RET: variants seen among roughly 807,000 people sequenced by gnomAD.
RET encodes the protein ret proto-oncogene, also known as proto-oncogene tyrosine-protein kinase receptor Ret.
RET carries 19 observed loss-of-function variants against 118.3 expected under a neutral mutation model. The ratio of observed to expected loss-of-function variants is 0.16; its 90% CI spans 0.11 to 0.24. The LOEUF (loss-of-function observed/expected upper bound fraction) is 0.24, where lower values mean the gene tolerates loss of function less well. Among genes scored for constraint, RET ranks in the 10% least tolerant of loss-of-function variants. The probability of loss-of-function intolerance (pLI) is 1.00; values close to 1 mark genes in which losing one functional copy is unlikely to be tolerated. For missense variants in RET, 1,219 were observed against 1,502.1 expected (o/e 0.81, Z 3.12); for synonymous variants, 597 against 644.1 (o/e 0.93, Z 1.11).
chr10:43,113,632 C>T lies in RET; in HGVS notation c.1836C>T (p.Phe612=). 1.2e-6 allele frequency: 2 copies of T among 1,613,406 alleles called. No homozygotes were observed. Among genetic ancestry groups the T allele is most frequent in the Non-Finnish European group, 8.5e-7 (1 of 1,179,858 alleles). ...IKAGYGTCNC[F]PEEEKCFCEP... is the part of the protein sequence containing the mutation. ...CTGGCTATGGCACCTGCAACTGCTT[C>T]CCTGAGGAGGAGAAGTGCTTCTGCG... is the stretch of plus-strand genomic sequence containing the variant. Residue 612 remains phenylalanine, a synonymous_variant, in exon 10 of 20, where the codon TTC becomes TTT. Coordinates refer to ENST00000355710, the MANE Select transcript of RET (RefSeq NM_020975.6).
At chr10:43,120,292 ACCGAAGATT>A in intron 15 of RET, 89 bp downstream of exon 15, 22 of 1,553,526 alleles carry the variant, frequency 1.4e-5, no homozygotes, top group Non-Finnish European at 1.9e-5. Flanking sequence ...TAGGAAAGAT[ACCGAAGATT>A]AGTGGAGCTC....
intron 16 of RET, among the ~76,000 whole-genome samples, chr10:43,123,397 T>C (rs1838260357): frequency 6.6e-6 from 1 of 152,234 alleles, no homozygotes; most frequent in Admixed American, 6.5e-5. Context: ...ATCTTAAGCC[T>C]CATGTGTCCC....
At chr10:43,077,512 CG>C (rs1837074428) in intron 1 of RET, among the ~76,000 whole-genome samples, 181 bp downstream of exon 1, 1 of 113,960 alleles carries the variant, frequency 8.8e-6, no homozygotes, top group Admixed American at 8.8e-5. Flanking sequence ...AAGGGCAGGA[CG>C]CCTCGGGCCG....
chr10:43,123,406 C>T (rs1344079380), intron 16 of RET, among the ~76,000 whole-genome samples: 1 of 152,018 alleles, frequency 6.6e-6, no homozygotes, highest in Non-Finnish European at 1.5e-5. Flanking sequence ...CTCATGTGTC[C>T]CTTGTGCGTG....
At chr10:43,081,925 G>A (rs1210840547) in intron 1 of RET, among the ~76,000 whole-genome samples, 2 of 152,308 alleles carry the variant, frequency 1.3e-5, no homozygotes, top group Non-Finnish European at 1.5e-5. Flanking sequence ...GGGACACTTG[G>A]CAGCCCCTGA....
At chr10:43,078,054 C>T (rs1387250397) in intron 1 of RET, among the ~76,000 whole-genome samples, 3 of 152,182 alleles carry the variant, frequency 2.0e-5, no homozygotes, top group Non-Finnish European at 4.4e-5. Flanking sequence ...CAGGGGTTTG[C>T]GCCGCCAGCC....
At chr10:43,116,036 T>A (rs1255795836) in intron 11 of RET, among the ~76,000 whole-genome samples, 1 of 151,670 alleles carries the variant, frequency 6.6e-6, no homozygotes, top group Non-Finnish European at 1.5e-5. Context: ...AGGGTGGGGG[T>A]CTGGGAAGGC....
At position 43,128,487 on chromosome 10, in the gene RET, G is replaced by A; in HGVS notation, c.*218G>A. 1 of 621,598 alleles carries A rather than the reference G, an allele frequency of 1.6e-6. No individual in the cohort carries two copies. Among genetic ancestry groups the A allele is most frequent in the South Asian group, 1.8e-5 (1 of 54,374 alleles). 38.5% of individuals were successfully genotyped at this position (621,598 alleles called of 1,614,324 possible). On this transcript the variant is annotated 3_prime_UTR_variant, in exon 20 of 20. Transcript: ENST00000355710. ...AGCAGACATGCCACACCGGGTAAGAGCTCTGAGTCTTAGTGGTTAAGCATT... is the reference window on the plus strand; with the variant it reads ...AGCAGACATGCCACACCGGGTAAGAACTCTGAGTCTTAGTGGTTAAGCATT...
intron 4 of RET, among the ~76,000 whole-genome samples, chr10:43,105,402 C>G (rs1349412767): frequency 1.3e-5 from 2 of 152,046 alleles, no homozygotes; most frequent in African/African-American, 4.8e-5. Context: ...CCTCGGGAGG[C>G]AAGGACCAGG....
rs1426465287 is a variant in RET at position 43,106,805 on chromosome 10, C to A, written c.1063+234C>A. Among the ~76,000 whole-genome samples, 2 of 152,170 alleles carry A rather than the reference C, an allele frequency of 1.3e-5. No homozygotes were observed. The highest frequency in any genetic ancestry group is 4.8e-5 in the African/African-American group (2 of 41,434). Reference sequence around the variant, plus strand: ...CTCCCTGAGCTGATCCATGGCCGACCCTGGCAGGGCCCCACCACACCCCCC... The same window carrying A: ...CTCCCTGAGCTGATCCATGGCCGACACTGGCAGGGCCCCACCACACCCCCC... On this transcript the variant is annotated intron_variant, in intron 5 of 19. Coordinates refer to ENST00000355710, the MANE Select transcript of RET (RefSeq NM_020975.6). This position sits in a 1 kb window ranked among gnomAD's most constrained non-coding sequence, Gnocchi z 5.1.
intron 9 of RET, 100 bp downstream of exon 9, chr10:43,113,063 C>T (rs2132819655): frequency 1.1e-6 from 1 of 941,448 alleles, no homozygotes; most frequent in Admixed American, 1.9e-5. Flanking sequence ...GCTGTCAGTT[C>T]TATGCATCAA....
chr10:43,083,277 A>C (rs1837223235), intron 1 of RET, among the ~76,000 whole-genome samples: 1 of 152,070 alleles, frequency 6.6e-6, no homozygotes, highest in Non-Finnish European at 1.5e-5. Flanking sequence ...AAAACTCGTG[A>C]CCCGGGAAAG....
intron 11 of RET, among the ~76,000 whole-genome samples, chr10:43,115,727 G>T (rs1024987042): frequency 4.3e-4 from 66 of 152,272 alleles, no homozygotes; most frequent in Non-Finnish European, 6.6e-4. Context: ...TTGGACCCAT[G>T]ACTCAACCTC....
Position 43,106,651 on chromosome 10 carries a change from C to A in RET, c.1063+80C>A. The A allele has an allele frequency of 7.2e-7, 1 of 1,394,118 alleles. No homozygotes were observed. The highest frequency in any genetic ancestry group is 1.0e-6 in the Non-Finnish European group (1 of 1,004,398). The allele number at this position is 1,394,118 out of a possible 1,614,324, so 86.4% of individuals were successfully genotyped here. ...CTCTTCATGGGCAAGCAGCACCCTA[C>A]ACACATGCACACCTGGCATGGCCCT... On this transcript the variant is annotated intron_variant, in intron 5 of 19. Transcript: ENST00000355710. The surrounding 1 kb of genome is among the most constrained non-coding windows in gnomAD (Gnocchi z 5.1).
At chr10:43,077,429 G>A in intron 1 of RET, 98 bp downstream of exon 1, 1 of 1,391,228 alleles carries the variant, frequency 7.2e-7, no homozygotes, top group Non-Finnish European at 9.4e-7. Flanking sequence ...TGTTTGCCGT[G>A]GGCAGCGGGC....
rs753470270 is a variant in RET at position 43,100,442 on chromosome 10, T to G, written c.74-17T>G. 1 of 1,612,906 alleles carries G rather than the reference T, an allele frequency of 6.2e-7. No homozygotes were observed. Among genetic ancestry groups the G allele is most frequent in the East Asian group, 2.2e-5 (1 of 44,868 alleles). ...CTTATTCTCACCATCCCTCACTCAC[T>G]TCCCTACTTCCCACAGTGGCATTGG... On this transcript the variant is annotated splice_polypyrimidine_tract_variant and intron_variant, in intron 1 of 19. Coordinates refer to ENST00000355710, the MANE Select transcript of RET (RefSeq NM_020975.6).
chr10:43,122,219 C>G (rs1168468005), intron 16 of RET, among the ~76,000 whole-genome samples: 1 of 152,130 alleles, frequency 6.6e-6, no homozygotes, highest in Non-Finnish European at 1.5e-5. Flanking sequence ...TGGGCCAGGC[C>G]GGGCTGCAGT....
At chr10:43,121,043 TTCTTC>T (rs1838206640) in intron 15 of RET, among the ~76,000 whole-genome samples, 1 of 152,210 alleles carries the variant, frequency 6.6e-6, no homozygotes, top group Non-Finnish European at 1.5e-5. Context: ...GCTGTTCCGT[TTCTTC>T]TGGGGTTTCC....
chr10:43,126,560 A>G lies in RET; in HGVS notation c.3040-15A>G, dbSNP rs772756436. The G allele has an allele frequency of 1.2e-6, 2 of 1,611,972 alleles. No homozygotes were observed. Among genetic ancestry groups the G allele is most frequent in the South Asian group, 1.1e-5 (1 of 91,022 alleles). The stretch of plus-strand genomic sequence containing the variant: ...GGCACATGGCTTGGAGTGACCGGCC[A>G]TCTCTGTCTTCCAGGACTACTTGGA... On this transcript the variant is annotated splice_polypyrimidine_tract_variant and intron_variant, in intron 18 of 19. Coordinates refer to ENST00000355710, the MANE Select transcript of RET (RefSeq NM_020975.6).
Sources: gnomAD v4.1 joint callset for allele counts (sites outside exome capture counted in the v4.1 genomes callset) on GRCh38, gnomAD v4.1.1 for gene constraint, Gnocchi (gnomAD v3.1) non-coding constraint, MANE v1.5 for transcripts, NCBI Gene and HGNC (gene_info 2026-07-23, HGNC 2026-07-21) for gene names.